Variants in PIGL observed in about 807,000 individuals in gnomAD.
PIGL encodes N-acetylglucosaminyl-phosphatidylinositol de-N-acetylase.
PIGL carries 22 observed loss-of-function variants against 31.1 expected under a neutral mutation model. The observed-to-expected ratio is 0.71, with a 90% CI of 0.51 to 1.01. The LOEUF (loss-of-function observed/expected upper bound fraction) is 1.01. Among genes scored for constraint, PIGL ranks in the 50% least tolerant of loss-of-function variants. The probability of loss-of-function intolerance (pLI) is 0.00; values close to 1 mark genes in which losing one functional copy is unlikely to be tolerated. For synonymous variants in PIGL, 131 were observed against 117.4 expected, an observed-to-expected ratio of 1.12 and a Z score of -0.75; for missense variants, 302 against 315.9, an observed-to-expected ratio of 0.96 and a Z score of 0.33.
intron 2 of PIGL, among the ~76,000 whole-genome samples, chr17:16,283,160 G>A (rs979632683): frequency 5.3e-5 from 8 of 151,856 alleles, no homozygotes; most frequent in Admixed American, 5.3e-4. Flanking sequence ...ACATCACCAT[G>A]CCCAGCTAAT....
chr17:16,247,701 G>A (rs1476073728), intron 2 of PIGL, among the ~76,000 whole-genome samples: 1 of 152,210 alleles, frequency 6.6e-6, no homozygotes, highest in Non-Finnish European at 1.5e-5. Context: ...TTTGCAGCCA[G>A]ATAGCTCTGT....
At chr17:16,309,705 G>A (rs1600853055) in intron 3 of PIGL, among the ~76,000 whole-genome samples, 1 of 150,476 alleles carries the variant, frequency 6.6e-6, no homozygotes, top group Admixed American at 6.7e-5. Context: ...AAGTTGCAGT[G>A]AGCCGAGAAA....
At chr17:16,249,716 GAGA>G (rs1478992785) in intron 2 of PIGL, among the ~76,000 whole-genome samples, 1 of 152,192 alleles carries the variant, frequency 6.6e-6, no homozygotes. Flanking sequence ...CCAAAGACAG[GAGA>G]AGAAGAATGT....
chr17:16,321,612 G>A (rs2093106239), intron 6 of PIGL, among the ~76,000 whole-genome samples: 1 of 152,132 alleles, frequency 6.6e-6, no homozygotes, highest in African/African-American at 2.4e-5. Flanking sequence ...TGAGAGTGCA[G>A]TGTTGAGCAC....
rs145914582 is a variant in PIGL at position 16,299,986 on chromosome 17, G to T, written c.426+8G>T. 6.2e-7 allele frequency: 1 copy of T among 1,608,336 alleles called. No individual in the cohort carries two copies. Among genetic ancestry groups the T allele is most frequent in the Admixed American group, 1.7e-5 (1 of 60,002 alleles). ...GTGAATGGCATCAATCTGGTAAGGG[G>T]GCAGCTCCCTGAATGGAAAACCTGA... On this transcript the variant is annotated splice_region_variant and intron_variant, in intron 3 of 6. Coordinates refer to ENST00000225609, the MANE Select transcript of PIGL (RefSeq NM_004278.4).
intron 2 of PIGL, among the ~76,000 whole-genome samples, chr17:16,246,433 AC>A (rs1255003255): frequency 1.0e-4 from 15 of 150,094 alleles, no homozygotes; most frequent in African/African-American, 2.9e-4. Context: ...AATCGCTTGA[AC>A]CCGGGAAGCG....
chr17:16,219,745 T>C (rs924473616), intron 1 of PIGL, among the ~76,000 whole-genome samples: 10 of 151,984 alleles, frequency 6.6e-5, no homozygotes, highest in African/African-American at 2.4e-4. Context: ...TTTGTATTTT[T>C]GGTAGAGCTG....
At chr17:16,221,009 T>C (rs1178793748) in intron 1 of PIGL, among the ~76,000 whole-genome samples, 2 of 152,100 alleles carry the variant, frequency 1.3e-5, no homozygotes, top group African/African-American at 4.8e-5. Flanking sequence ...TCAGCTCTCA[T>C]ATCAGGTGAC....
intron 1 of PIGL, among the ~76,000 whole-genome samples, chr17:16,232,689 A>G (rs1600751429): frequency 6.6e-6 from 1 of 152,224 alleles, no homozygotes; most frequent in East Asian, 1.9e-4. Flanking sequence ...AAATCAAGTA[A>G]TCTAGGGAGA....
intron 1 of PIGL, among the ~76,000 whole-genome samples, chr17:16,224,747 C>T (rs958324077): frequency 6.6e-6 from 1 of 152,148 alleles, no homozygotes; most frequent in Non-Finnish European, 1.5e-5. Context: ...ACCTCCACCT[C>T]CCAGGTTCAA....
intron 2 of PIGL, among the ~76,000 whole-genome samples, chr17:16,276,181 T>C (rs988471250): frequency 1.3e-5 from 2 of 152,180 alleles, no homozygotes; most frequent in African/African-American, 4.8e-5. Flanking sequence ...CATTCCACAA[T>C]GGTAAAGCAA....
At chr17:16,231,543 A>ATTTT (rs372107300) in intron 1 of PIGL, among the ~76,000 whole-genome samples, 1 of 151,244 alleles carries the variant, frequency 6.6e-6, no homozygotes, top group Non-Finnish European at 1.5e-5. Context: ...CCCAGCTTTG[A>ATTTT]TTTTTTTTTA....
chr17:16,264,311 A>C (rs1373035329), intron 2 of PIGL, among the ~76,000 whole-genome samples: 1 of 151,230 alleles, frequency 6.6e-6, no homozygotes, highest in Non-Finnish European at 1.5e-5. Flanking sequence ...TATGGCCTTA[A>C]TCTTTTGTAT....
chr17:16,317,728 TG>T (rs2093084049), intron 5 of PIGL, 46 bp from the exon 6 acceptor site: 1 of 1,610,484 alleles, frequency 6.2e-7, no homozygotes, highest in East Asian at 2.2e-5. Flanking sequence ...AAAATCTGGC[TG>T]GAGGCCTCAA....
At chr17:16,278,366 A>G (rs555782332) in intron 2 of PIGL, among the ~76,000 whole-genome samples, 2,485 of 152,290 alleles carry the variant, frequency 0.016, 67 homozygotes, top group African/African-American at 0.057. Context: ...TGGGATTACA[A>G]GCATGAGCCA....
At chr17:16,224,395 C>T (rs1275553155) in intron 1 of PIGL, among the ~76,000 whole-genome samples, 1 of 151,900 alleles carries the variant, frequency 6.6e-6, no homozygotes, top group Non-Finnish European at 1.5e-5. Flanking sequence ...TAGCCTCCGC[C>T]TCCTGGATTC....
At chr17:16,227,366 C>T (rs544317770) in intron 1 of PIGL, among the ~76,000 whole-genome samples, 1 of 152,116 alleles carries the variant, frequency 6.6e-6, no homozygotes, top group African/African-American at 2.4e-5. Flanking sequence ...CTGCCTTGGC[C>T]TCCCAAAGTG....
intron 2 of PIGL, among the ~76,000 whole-genome samples, chr17:16,247,944 G>C (rs2092755777): frequency 6.6e-6 from 1 of 151,920 alleles, no homozygotes; most frequent in Non-Finnish European, 1.5e-5. Context: ...CTGGAGTACA[G>C]TGGCACGATC....
At chr17:16,292,395 T>C (rs986437525) in intron 2 of PIGL, among the ~76,000 whole-genome samples, 10 of 121,368 alleles carry the variant, frequency 8.2e-5, no homozygotes, top group African/African-American at 2.4e-4. Context: ...ATCTTTCTCT[T>C]TAAAAAAAAA....
Sources: gnomAD v4.1 joint callset for allele counts (sites outside exome capture counted in the v4.1 genomes callset) on GRCh38, gnomAD v4.1.1 for gene constraint, MANE v1.5 for transcripts, NCBI Gene and HGNC (gene_info 2026-07-23, HGNC 2026-07-21) for gene names.